The following LRRC31 variants were observed in gnomAD, a reference collection of about 807,000 sequenced individuals.
The protein encoded by LRRC31 is leucine rich repeat containing 31.
Under a neutral mutation model 46.7 loss-of-function variants are expected in LRRC31, and 35 were observed. The observed-to-expected ratio is 0.75, with a 90% CI of 0.57 to 0.99. The LOEUF (loss-of-function observed/expected upper bound fraction) is 0.99, where lower values mean the gene tolerates loss of function less well. LRRC31 is among the 50% of genes least tolerant of loss of function. The pLI is 0.00. For missense variants in LRRC31, 613 were observed against 626.1 expected, an observed-to-expected ratio of 0.98 and a Z score of 0.22; for synonymous variants, 236 against 235.1, an observed-to-expected ratio of 1.00 and a Z score of -0.03.
chr3:169,859,119 G>A (rs1035068013), intron 3 of LRRC31, among the ~76,000 whole-genome samples: 9 of 148,448 alleles, frequency 6.1e-5, no homozygotes, highest in East Asian at 4.0e-4. Context: ...GGTGGTGCAC[G>A]CCTAAAATAC....
At chr3:169,845,452 G>C (rs551447081) in intron 8 of LRRC31, among the ~76,000 whole-genome samples, 2 of 152,206 alleles carry the variant, frequency 1.3e-5, no homozygotes, top group Non-Finnish European at 2.9e-5. Flanking sequence ...TTCATTTCAA[G>C]ACTTACTATA....
intron 8 of LRRC31, among the ~76,000 whole-genome samples, chr3:169,841,289 T>G (rs1780439227): frequency 6.6e-6 from 1 of 152,220 alleles, no homozygotes; most frequent in South Asian, 2.1e-4. Flanking sequence ...CTGGCAGCCC[T>G]GCAGTGTTGG....
intron 7 of LRRC31, among the ~76,000 whole-genome samples, chr3:169,848,964 T>C (rs1465851189): frequency 6.6e-6 from 1 of 152,236 alleles, no homozygotes; most frequent in Non-Finnish European, 1.5e-5. Flanking sequence ...GAGATTCAGA[T>C]GGGGGCAAGC....
intron 8 of LRRC31, among the ~76,000 whole-genome samples, chr3:169,846,769 T>G (rs368406271): frequency 2.0e-5 from 3 of 152,216 alleles, no homozygotes; most frequent in African/African-American, 7.2e-5. Context: ...AAACTTCAGG[T>G]CTTTCTCGGG....
At chr3:169,840,420 T>A in intron 8 of LRRC31, 107 bp from the exon 9 acceptor site, 1 of 1,167,220 alleles carries the variant, frequency 8.6e-7, no homozygotes, top group Non-Finnish European at 1.2e-6. Flanking sequence ...ACAAGATTAG[T>A]AATTAGTAAT....
chr3:169,868,176 C>A (rs1781386899), intron 1 of LRRC31, among the ~76,000 whole-genome samples: 1 of 152,194 alleles, frequency 6.6e-6, no homozygotes, highest in East Asian at 1.9e-4. Flanking sequence ...CTTCCACTAC[C>A]CCTTCCTCTC....
chr3:169,856,689 T>C lies in LRRC31; in HGVS notation c.655+16A>G, dbSNP rs770333775. 6.5e-7 allele frequency: 1 copy of C among 1,548,338 alleles called. No individual in the cohort carries two copies. The highest frequency in any genetic ancestry group is 2.3e-5 in the East Asian group (1 of 43,428). On this transcript the variant is annotated intron_variant, in intron 4 of 8. Coordinates refer to ENST00000316428, the MANE Select transcript of LRRC31 (RefSeq NM_024727.4). ...GGCATCTTCACTTTTTTTTTTTCTC[T>C]TCAAATTCCACTTACCCAGAAATGT... is the stretch of plus-strand genomic sequence containing the variant.
chr3:169,863,981 A>C (rs1001578648), intron 1 of LRRC31, among the ~76,000 whole-genome samples: 1 of 151,232 alleles, frequency 6.6e-6, no homozygotes, highest in East Asian at 1.9e-4. Context: ...TTGAACCCAG[A>C]ATAGTTTGTT....
Position 169,860,643 on chromosome 3 carries a change from A to G in LRRC31, c.405T>C (p.Thr135=). The G allele has an allele frequency of 1.9e-6, 3 of 1,614,200 alleles. 1 individual carries two copies. Among genetic ancestry groups the G allele is most frequent in the East Asian group, 2.2e-5 (1 of 44,884 alleles). Residue 135 remains threonine, a synonymous_variant, in exon 3 of 9, where the codon ACT becomes ACC. Transcript: ENST00000316428. ...ACTTGCTGACCAGATGCATTTGCTG[A>G]GTGATGGAAAGGAGGGTTCCACCTA... ...GFVGGTLLSI[T]QQMHLVSKLK... is the part of the protein sequence containing the mutation.
chr3:169,851,222 G>A (rs1780753327), intron 7 of LRRC31, among the ~76,000 whole-genome samples: 1 of 152,052 alleles, frequency 6.6e-6, no homozygotes, highest in African/African-American at 2.4e-5. Context: ...AGACCAGGCT[G>A]GACAACACGG....
intron 1 of LRRC31, among the ~76,000 whole-genome samples, chr3:169,865,706 C>G (rs1201417566): frequency 2.0e-5 from 3 of 152,132 alleles, no homozygotes; most frequent in East Asian, 1.9e-4. Flanking sequence ...TTCCACACTT[C>G]AGTGACAATA....
Position 169,857,415 on chromosome 3 carries a change from C to CATATATATATATATATATATATATAT in LRRC31, c.488-544_488-543insATATATATATATATATATATATATAT, listed in dbSNP as rs1553924970. Among the ~76,000 whole-genome samples the CATATATATATATATATATATATATAT allele has an allele frequency of 2.6e-3, 255 of 98,644 alleles. 5 individuals carry two copies. Among genetic ancestry groups the CATATATATATATATATATATATATAT allele is most frequent in the African/African-American group, 8.5e-3 (235 of 27,596 alleles). 64.7% of individuals were successfully genotyped at this position (98,644 alleles called of 152,430 possible). The stretch of plus-strand genomic sequence containing the variant: ...ATACATACACACACATATACATATA[C>CATATATATATATATATATATATATAT]ATATATATATATATGAGGAATATCA... On this transcript the variant is annotated intron_variant, in intron 3 of 8. Transcript: ENST00000316428.
rs887635010 is a variant in LRRC31 at position 169,856,369 on chromosome 3, A to T, written c.790T>A (p.Cys264Ser). The T allele has an allele frequency of 2.1e-5, 34 of 1,597,056 alleles. No homozygotes were observed. The highest frequency in any genetic ancestry group is 2.9e-5 in the Non-Finnish European group (34 of 1,171,882). The part of the protein sequence containing the change: ...SNLKVLKLHS[C>S]GLSQKSVKIL... The stretch of plus-strand genomic sequence containing the variant: ...TTGACACTCTTTTGTGATAATCCAC[A>T]TGAATGTAACTTCAGTACTTTCAGA... The change falls in exon 5 of 9, where the codon TGT becomes AGT. Residue 264 changes from cysteine (C) to serine (S), a missense_variant. Coordinates refer to ENST00000316428, the MANE Select transcript of LRRC31 (RefSeq NM_024727.4).
At chr3:169,866,492 A>G (rs1018412520) in intron 1 of LRRC31, among the ~76,000 whole-genome samples, 2 of 152,222 alleles carry the variant, frequency 1.3e-5, no homozygotes, top group African/African-American at 4.8e-5. Context: ...ACACTCTAGA[A>G]CAAAAATGAA....
intron 3 of LRRC31, among the ~76,000 whole-genome samples, chr3:169,857,573 G>A (rs1359008441): frequency 6.6e-6 from 1 of 151,552 alleles, no homozygotes; most frequent in Non-Finnish European, 1.5e-5. Flanking sequence ...TAACATTTCT[G>A]AAACCATTAC....
intron 8 of LRRC31, among the ~76,000 whole-genome samples, chr3:169,844,976 A>G (rs541390664): frequency 6.6e-6 from 1 of 152,094 alleles, no homozygotes; most frequent in East Asian, 1.9e-4. Flanking sequence ...CTAATCATAG[A>G]TGATATGATT....
At chr3:169,840,373 C>T (rs894463260) in intron 8 of LRRC31, 60 bp from the exon 9 acceptor site, 2 of 1,512,152 alleles carry the variant, frequency 1.3e-6, no homozygotes, top group African/African-American at 1.4e-5. Flanking sequence ...CATGGCTATT[C>T]CCATTTCCCA....
chr3:169,858,475 G>A (rs1049537220), intron 3 of LRRC31, among the ~76,000 whole-genome samples: 6 of 152,156 alleles, frequency 3.9e-5, no homozygotes, highest in Non-Finnish European at 8.8e-5. Flanking sequence ...GCTTAATGTG[G>A]GGCTAAACTC....
intron 3 of LRRC31, among the ~76,000 whole-genome samples, chr3:169,859,018 G>A (rs9871501): frequency 0.25 from 9,363 of 36,882 alleles, 448 homozygotes; most frequent in East Asian, 0.42. Flanking sequence ...AAAAAAAAAA[G>A]GGGGGGGGTG....
Sources: allele counts gnomAD v4.1 joint callset (sites outside exome capture counted in the v4.1 genomes callset), GRCh38; gene constraint gnomAD v4.1.1; transcripts MANE v1.5; gene names NCBI Gene and HGNC (gene_info 2026-07-23, HGNC 2026-07-21).